CCSER1: variants seen among roughly 807,000 people sequenced by gnomAD.
CCSER1 encodes the protein coiled-coil serine rich protein 1.
CCSER1 carries 41 observed loss-of-function variants against 82.0 expected under a neutral mutation model. The ratio of observed to expected loss-of-function variants is 0.50; its 90% CI spans 0.39 to 0.65. CCSER1 has a LOEUF of 0.65. Among genes scored for constraint, CCSER1 ranks in the 30% least tolerant of loss-of-function variants. The pLI, the probability that CCSER1 is intolerant of heterozygous loss-of-function variation, is 0.00. For missense variants in CCSER1, 1,119 were observed against 1,064.2 expected (o/e 1.05, Z -0.72); for synonymous variants, 414 against 383.9 (o/e 1.08, Z -0.92).
In CCSER1 at chr4:90,948,206, A is replaced by G. The variant is rs147095212; in HGVS notation, c.2172+24759A>G. ...TTCAAATGGTTTTCATTGTACAACA[A>G]TAGTTAGGTAAACATTCATTATATC... On this transcript the variant is annotated intron_variant, in intron 9 of 10. Transcript: ENST00000509176. Among the ~76,000 whole-genome samples, 851 of 152,108 alleles carry G rather than the reference A, an allele frequency of 5.6e-3. 6 individuals carry two copies. Among genetic ancestry groups the G allele is most frequent in the African/African-American group, 0.019 (799 of 41,552 alleles).
At chr4:91,337,605 A>T (rs1747411390) in intron 10 of CCSER1, among the ~76,000 whole-genome samples, 1 of 151,964 alleles carries the variant, frequency 6.6e-6, no homozygotes, top group African/African-American at 2.4e-5. Flanking sequence ...TCCTGTTCCT[A>T]GTTCCTCTTT....
intron 3 of CCSER1, chr4:90,325,798 A>T (rs1238185216): frequency 4.0e-6 from 1 of 250,466 alleles, no homozygotes; most frequent in Non-Finnish European, 8.6e-6. Flanking sequence ...ATTAACATCA[A>T]TAAATTAAAT....
rs1764758841 is a variant in CCSER1, at chr4:91,600,230, A to G, written c.*1173A>G. 6.6e-6 allele frequency: 1 copy of G among 152,186 alleles called. No homozygotes were observed. Among genetic ancestry groups the G allele is most frequent in the African/African-American group, 2.4e-5 (1 of 41,458 alleles). 9.4% of individuals were successfully genotyped at this position (152,186 alleles called of 1,614,324 possible). On this transcript the variant is annotated 3_prime_UTR_variant, in exon 11 of 11. Transcript: ENST00000509176. ...AAATAAGGCCCAAATATGTTATAAT[A>G]TGTTATATACTTATGTGCACTTTAG...
intron 7 of CCSER1, among the ~76,000 whole-genome samples, chr4:90,732,627 T>C (rs1249071864): frequency 1.3e-5 from 2 of 152,180 alleles, no homozygotes; most frequent in African/African-American, 2.4e-5. Flanking sequence ...TTTATATGTA[T>C]GTAGGACTCT....
intron 1 of CCSER1, among the ~76,000 whole-genome samples, chr4:90,164,407 A>T (rs1420522625): frequency 6.6e-6 from 1 of 152,050 alleles, no homozygotes; most frequent in Admixed American, 6.6e-5. Flanking sequence ...AGTTTAAGGA[A>T]TAGTAATTTT....
chr4:90,748,080 C>G (rs1747835865), intron 7 of CCSER1, among the ~76,000 whole-genome samples: 3 of 143,996 alleles, frequency 2.1e-5, no homozygotes. Flanking sequence ...TACATGTGCA[C>G]ATTGTGCAGG....
chr4:90,176,613 A>G (rs886954937), intron 1 of CCSER1, among the ~76,000 whole-genome samples: 6 of 151,956 alleles, frequency 3.9e-5, no homozygotes, highest in African/African-American at 1.2e-4. Flanking sequence ...TTTTCCCATA[A>G]GAGTTGTCTT....
intron 8 of CCSER1, among the ~76,000 whole-genome samples, chr4:90,884,474 A>C (rs1721820632): frequency 6.6e-6 from 1 of 152,144 alleles, no homozygotes; most frequent in Admixed American, 6.6e-5. Flanking sequence ...TAAAATTATT[A>C]AAATCTCCAG....
chr4:90,399,968 C>A, intron 3 of CCSER1, 68 bp from the exon 4 acceptor site: 1 of 793,364 alleles, frequency 1.3e-6, no homozygotes, highest in East Asian at 2.6e-5. Context: ...TCACGGCTTC[C>A]ACATATGAGT....
At chr4:90,965,045 A>G (rs1381555013) in intron 9 of CCSER1, among the ~76,000 whole-genome samples, 1 of 152,062 alleles carries the variant, frequency 6.6e-6, no homozygotes, top group African/African-American at 2.4e-5. Flanking sequence ...GAGTTTTATC[A>G]ATATTTGAAT....
At chr4:90,723,081 A>G (rs1288475475) in intron 6 of CCSER1, among the ~76,000 whole-genome samples, 1 of 152,066 alleles carries the variant, frequency 6.6e-6, no homozygotes, top group Non-Finnish European at 1.5e-5. Context: ...ATTCTTTTCA[A>G]TGTTTTCTTT....
chr4:90,300,401 T>C (rs1732869828), intron 1 of CCSER1, among the ~76,000 whole-genome samples: 1 of 152,162 alleles, frequency 6.6e-6, no homozygotes, highest in African/African-American at 2.4e-5. Flanking sequence ...AGTGTGTTAG[T>C]GTCTTTGTGA....
At chr4:90,534,729 A>C (rs1176058274) in intron 5 of CCSER1, among the ~76,000 whole-genome samples, 2 of 152,002 alleles carry the variant, frequency 1.3e-5, no homozygotes, top group Non-Finnish European at 2.9e-5. Flanking sequence ...AAGAAATATT[A>C]ACTGGTCTAC....
intron 10 of CCSER1, among the ~76,000 whole-genome samples, chr4:91,242,709 C>T (rs1165165855): frequency 6.6e-6 from 1 of 151,972 alleles, no homozygotes; most frequent in Non-Finnish European, 1.5e-5. Context: ...AAAATATTAG[C>T]CATGGACTGG....
chr4:90,784,237 T>A (rs1754180729), intron 7 of CCSER1, among the ~76,000 whole-genome samples: 1 of 152,212 alleles, frequency 6.6e-6, no homozygotes, highest in Non-Finnish European at 1.5e-5. Flanking sequence ...TGCACGTGAC[T>A]AGCTGAATAA....
intron 10 of CCSER1, among the ~76,000 whole-genome samples, chr4:91,544,809 G>A (rs1474729939): frequency 6.6e-6 from 1 of 152,140 alleles, no homozygotes; most frequent in Non-Finnish European, 1.5e-5. Flanking sequence ...AGTCTGTGCT[G>A]GGAGAACCAC....
chr4:90,221,782 T>C (rs911069994), intron 1 of CCSER1, among the ~76,000 whole-genome samples: 3 of 152,142 alleles, frequency 2.0e-5, no homozygotes, highest in African/African-American at 7.2e-5. Flanking sequence ...GCCTTGACTA[T>C]TTGAACTGAT....
At chr4:90,910,793 T>C (rs1726213108) in intron 8 of CCSER1, among the ~76,000 whole-genome samples, 1 of 152,214 alleles carries the variant, frequency 6.6e-6, no homozygotes, top group African/African-American at 2.4e-5. Context: ...CCTTTGTCCT[T>C]TTCTGCAATT....
chr4:90,822,387 G>A (rs12507217), intron 8 of CCSER1, among the ~76,000 whole-genome samples: 28,959 of 152,062 alleles, frequency 0.19, 3,392 homozygotes, highest in South Asian at 0.29. Context: ...CTAGCCGATC[G>A]GGGTAAAATG....
Sources: allele counts gnomAD v4.1 joint callset (sites outside exome capture counted in the v4.1 genomes callset), GRCh38; gene constraint gnomAD v4.1.1; transcripts MANE v1.5; gene names NCBI Gene and HGNC (gene_info 2026-07-23, HGNC 2026-07-21).